PLCB4: variants seen among roughly 807,000 people sequenced by gnomAD.
The protein encoded by PLCB4 is phospholipase C beta 4.
In PLCB4, 77 loss-of-function variants were observed where a neutral mutation model predicts 178.8. That is an observed-to-expected ratio of 0.43 (90% CI 0.36 to 0.52). The LOEUF (loss-of-function observed/expected upper bound fraction) is 0.52, where lower values mean the gene tolerates loss of function less well. Among genes scored for constraint, PLCB4 ranks in the 20% least tolerant of loss-of-function variants. The probability of loss-of-function intolerance (pLI) is 0.00; values close to 1 mark genes in which losing one functional copy is unlikely to be tolerated. For missense variants in PLCB4, 1,024 were observed against 1,453.4 expected (o/e 0.70, Z 4.80); for synonymous variants, 496 against 490.8 (o/e 1.01, Z -0.14).
chr20:9,421,482 C>G (rs775424654), intron 27 of PLCB4, 21 bp downstream of exon 27: 3 of 1,599,708 alleles, frequency 1.9e-6, no homozygotes, highest in Admixed American at 3.3e-5. Flanking sequence ...TTCAGCACGT[C>G]AAACTTACTC....
intron 3 of PLCB4, among the ~76,000 whole-genome samples, chr20:9,305,190 G>C (rs1308562730): frequency 6.6e-6 from 1 of 151,706 alleles, no homozygotes; most frequent in African/African-American, 2.4e-5. Flanking sequence ...ATTTTATTTT[G>C]TGTTTCCTAC....
At chr20:9,317,148 C>A (rs939788841) in intron 4 of PLCB4, among the ~76,000 whole-genome samples, 1 of 152,148 alleles carries the variant, frequency 6.6e-6, no homozygotes, top group African/African-American at 2.4e-5. Context: ...AGAAGACAAA[C>A]AATGCCACAT....
At chr20:9,373,842 A>T (rs774725316) in intron 12 of PLCB4, among the ~76,000 whole-genome samples, 1 of 152,226 alleles carries the variant, frequency 6.6e-6, no homozygotes, top group East Asian at 1.9e-4. Flanking sequence ...TTCTTCACAC[A>T]TACAAAAAAA....
intron 28 of PLCB4, among the ~76,000 whole-genome samples, chr20:9,426,189 G>A (rs2040994254): frequency 6.6e-6 from 1 of 152,048 alleles, no homozygotes; most frequent in African/African-American, 2.4e-5. Context: ...TTTAGCTAAA[G>A]AAAGATAGTG....
At chr20:9,226,468 T>C (rs2093866964) in intron 3 of PLCB4, among the ~76,000 whole-genome samples, 1 of 152,202 alleles carries the variant, frequency 6.6e-6, no homozygotes, top group Non-Finnish European at 1.5e-5. Flanking sequence ...GCTGGATACA[T>C]CACAGTGTGG....
rs536773247 is a variant in PLCB4, at chr20:9,480,010, C to G, written c.*1001C>G. ...TTTAGCATAATGAAAAACCCTCTCT[C>G]TATATATATATGTGTATATGAATTA... On this transcript the variant is annotated 3_prime_UTR_variant, in exon 40 of 40. Coordinates refer to ENST00000378473, the MANE Select transcript of PLCB4 (RefSeq NM_001377142.1). The G allele has an allele frequency of 6.6e-6, 1 of 152,380 alleles. No individual in the cohort carries two copies. The highest frequency in any genetic ancestry group is 2.4e-5 in the African/African-American group (1 of 41,360). The allele number at this position is 152,380 out of a possible 1,614,324, so 9.4% of individuals were successfully genotyped here.
chr20:9,209,841 G>A (rs2093653882), intron 2 of PLCB4, among the ~76,000 whole-genome samples: 1 of 151,894 alleles, frequency 6.6e-6, no homozygotes, highest in East Asian at 1.9e-4. Flanking sequence ...GCGGGCGCCT[G>A]TAGTCCCAGT....
intron 3 of PLCB4, among the ~76,000 whole-genome samples, chr20:9,305,052 C>A (rs770610753): frequency 1.6e-5 from 2 of 123,392 alleles, no homozygotes; most frequent in Non-Finnish European, 3.2e-5. Context: ...CCCAACATCC[C>A]TGCATTTTCA....
chr20:9,195,440 A>T (rs1021452341), intron 2 of PLCB4, among the ~76,000 whole-genome samples: 4 of 152,188 alleles, frequency 2.6e-5, no homozygotes, highest in Non-Finnish European at 5.9e-5. Flanking sequence ...TCTAGAAGAG[A>T]TTAGCATTTG....
At chr20:9,419,473 A>G (rs1435818815) in intron 25 of PLCB4, among the ~76,000 whole-genome samples, 2 of 152,196 alleles carry the variant, frequency 1.3e-5, no homozygotes, top group Admixed American at 6.5e-5. Context: ...ATATTTTTAT[A>G]TTTTGATAAC....
At chr20:9,224,265 G>T (rs1238307232) in intron 3 of PLCB4, among the ~76,000 whole-genome samples, 2 of 152,170 alleles carry the variant, frequency 1.3e-5, no homozygotes, top group African/African-American at 4.8e-5. Flanking sequence ...TGTGGTATGA[G>T]CACAGCTTTC....
At chr20:9,366,459 T>C (rs1602139383) in intron 9 of PLCB4, among the ~76,000 whole-genome samples, 2 of 147,834 alleles carry the variant, frequency 1.4e-5, no homozygotes, top group East Asian at 4.1e-4. Context: ...ATGGACAGGA[T>C]ACATCCTCCA....
intron 4 of PLCB4, among the ~76,000 whole-genome samples, chr20:9,329,514 G>A (rs2031307990): frequency 6.6e-6 from 1 of 152,138 alleles, no homozygotes; most frequent in African/African-American, 2.4e-5. Flanking sequence ...GGTGCCACAG[G>A]CCTTTTGAAT....
chr20:9,221,889 A>T (rs2093803062), intron 3 of PLCB4, among the ~76,000 whole-genome samples: 1 of 151,964 alleles, frequency 6.6e-6, no homozygotes, highest in Non-Finnish European at 1.5e-5. Context: ...GGTTAACTTC[A>T]TTATTCTTCA....
intron 28 of PLCB4, among the ~76,000 whole-genome samples, chr20:9,434,814 A>T (rs1472759236): frequency 6.6e-6 from 1 of 152,234 alleles, no homozygotes; most frequent in Non-Finnish European, 1.5e-5. Context: ...CGATTCTGTT[A>T]GGGAAAACTT....
At chr20:9,180,950 A>G (rs1329221994) in intron 2 of PLCB4, among the ~76,000 whole-genome samples, 1 of 152,230 alleles carries the variant, frequency 6.6e-6, no homozygotes, top group Non-Finnish European at 1.5e-5. Context: ...GCCAACTGCT[A>G]CAGTGAGACT....
intron 2 of PLCB4, among the ~76,000 whole-genome samples, chr20:9,137,292 C>T (rs1356843033): frequency 6.6e-6 from 1 of 152,042 alleles, no homozygotes; most frequent in Non-Finnish European, 1.5e-5. Flanking sequence ...GAGGCATTTA[C>T]TCTCTAGACA....
intron 2 of PLCB4, among the ~76,000 whole-genome samples, chr20:9,194,360 T>C (rs1367659258): frequency 3.3e-5 from 5 of 152,154 alleles, no homozygotes; most frequent in Non-Finnish European, 5.9e-5. Flanking sequence ...CATTTTTTTT[T>C]CCTGTAAAAC....
chr20:9,242,774 C>A (rs1343815021), intron 3 of PLCB4, among the ~76,000 whole-genome samples: 2 of 152,144 alleles, frequency 1.3e-5, no homozygotes, highest in Non-Finnish European at 2.9e-5. Flanking sequence ...CACCTGACAA[C>A]TTGTTAGAAA....
Sources: gnomAD v4.1 joint callset for allele counts (sites outside exome capture counted in the v4.1 genomes callset) on GRCh38, gnomAD v4.1.1 for gene constraint, MANE v1.5 for transcripts, NCBI Gene and HGNC (gene_info 2026-07-23, HGNC 2026-07-21) for gene names.